The following ATP5F1A variants were observed in gnomAD, a reference collection of about 807,000 sequenced individuals.
The protein encoded by ATP5F1A is ATP synthase F(1) complex subunit alpha, mitochondrial.
A neutral mutation model predicts 57.4 loss-of-function variants in ATP5F1A; 24 were observed. That is an observed-to-expected ratio of 0.42 (90% confidence interval 0.30 to 0.59). The LOEUF is 0.59. Among genes scored for constraint, ATP5F1A ranks in the 20% least tolerant of loss-of-function variants. The probability of loss-of-function intolerance (pLI) is 0.19; values close to 1 mark genes in which losing one functional copy is unlikely to be tolerated. For missense variants in ATP5F1A, 494 were observed against 707.9 expected, an observed-to-expected ratio of 0.70 and a Z score of 3.43; for synonymous variants, 251 against 255.5, an observed-to-expected ratio of 0.98 and a Z score of 0.17.
upstream of ATP5F1A, chr18:46,098,391 T>G (rs556165596): frequency 2.8e-6 from 3 of 1,086,126 alleles, no homozygotes; most frequent in South Asian, 2.0e-5. Context: ...CCGCCGCCAC[T>G]CTGCATTTTT....
chr18:46,089,073 TAC>T (rs1157330304), intron 5 of ATP5F1A, among the ~76,000 whole-genome samples: 2 of 151,832 alleles, frequency 1.3e-5, no homozygotes, highest in Non-Finnish European at 2.9e-5. Flanking sequence ...CCATTAACCC[TAC>T]AGTCCTGCCA....
intron 1 of ATP5F1A, 154 bp downstream of exon 1, chr18:46,098,018 T>A: frequency 7.1e-7 from 1 of 1,417,942 alleles, no homozygotes; most frequent in Non-Finnish European, 9.2e-7. Context: ...AGGGCACCTG[T>A]GTCGCCTGCT....
chr18:46,101,819 G>C (rs1445278590), upstream of ATP5F1A, among the ~76,000 whole-genome samples: 1 of 150,220 alleles, frequency 6.7e-6, no homozygotes, highest in African/African-American at 2.5e-5. Context: ...TTAAACCTGG[G>C]AGATGGAGGT....
chr18:46,086,051 A>G, intron 10 of ATP5F1A, 62 bp downstream of exon 10: 2 of 1,560,642 alleles, frequency 1.3e-6, no homozygotes, highest in Non-Finnish European at 1.7e-6. Flanking sequence ...GCAGCTCTGT[A>G]GGCCTGGGAA....
At chr18:46,089,330 G>A (rs537035655) in intron 5 of ATP5F1A, 61 of 468,932 alleles carry the variant, frequency 1.3e-4, no homozygotes, top group Non-Finnish European at 1.6e-4. Context: ...TCAAACCCAC[G>A]ACCCTGGGAT....
chr18:46,101,901 A>G (rs1222673230), upstream of ATP5F1A, among the ~76,000 whole-genome samples: 2 of 150,926 alleles, frequency 1.3e-5, no homozygotes, highest in East Asian at 2.0e-4. Flanking sequence ...AAGGCCGGGC[A>G]TGGTGGCTCA....
At position 46,084,618 on chromosome 18, in the gene ATP5F1A, T is replaced by C; in HGVS notation, c.1466A>G (p.Tyr489Cys). ...ATCAAGATATCCCCTTACACCCGCA[T>C]AGATAACAGCCACTTGTTCTTCAAT... ...MAIEEQVAVI[Y>C]AGVRGYLDKL... Residue 489 changes from tyrosine to cysteine, a missense_variant, in exon 11 of 12, where the codon TAT (tyrosine) becomes TGT (cysteine). By Grantham distance (194) the Tyr-to-Cys change is radical. Coordinates refer to ENST00000398752, the MANE Select transcript of ATP5F1A (RefSeq NM_004046.6). 1 of 1,600,214 alleles carries C rather than the reference T, an allele frequency of 6.2e-7. No individual in the cohort carries two copies. The highest frequency in any genetic ancestry group is 2.2e-5 in the East Asian group (1 of 44,594).
At chr18:46,088,026 G>A (rs1279564682) in intron 6 of ATP5F1A, 83 bp downstream of exon 6, 3 of 1,458,314 alleles carry the variant, frequency 2.1e-6, no homozygotes, top group East Asian at 2.3e-5. Context: ...ATTAAAATAT[G>A]CCTTCATTAA....
rs147760997 is a variant in ATP5F1A, at chr18:46,095,286, C to A, written c.61-155G>T. On this transcript the variant is annotated intron_variant, in intron 1 of 11. Coordinates refer to ENST00000398752, the MANE Select transcript of ATP5F1A (RefSeq NM_004046.6). ...TTTAAAATGTCAAATGGGAAAGTAG[C>A]TTTTGATATATGTGAAAACCTTTTA... 40 of 664,270 alleles carry A rather than the reference C, an allele frequency of 6.0e-5. No homozygotes were observed. In the East Asian group the frequency reaches 8.6e-4, roughly 14 times the overall value. The allele number at this position is 664,270 out of a possible 1,614,324, so 41.1% of individuals were successfully genotyped here. A position where few individuals can be genotyped will look rare whatever the true frequency, so the allele number is the denominator to read the frequency against.
At chr18:46,102,860 A>T (rs1275600283), upstream of ATP5F1A, among the ~76,000 whole-genome samples, 1 of 152,106 alleles carries the variant, frequency 6.6e-6, no homozygotes, top group Non-Finnish European at 1.5e-5. Context: ...AAGCGGGAGG[A>T]TTGCTTGAGC....
chr18:46,085,772 A>G (rs1453933599), intron 10 of ATP5F1A: 1 of 207,470 alleles, frequency 4.8e-6, no homozygotes, highest in Non-Finnish European at 9.8e-6. Flanking sequence ...GTCTCTACTA[A>G]AAATACAAAA....
intron 2 of ATP5F1A, among the ~76,000 whole-genome samples, chr18:46,094,164 T>TACACACACACAC (rs71938962): frequency 3.2e-4 from 47 of 149,140 alleles, no homozygotes; most frequent in African/African-American, 1.1e-3. Context: ...TGTGTACACA[T>TACACACACACAC]ACACACACAC....
intron 8 of ATP5F1A, chr18:46,086,798 G>C (rs1024513060): frequency 3.2e-6 from 2 of 630,614 alleles, no homozygotes; most frequent in East Asian, 2.8e-5. Context: ...AATGAAACTA[G>C]AACGAAACAT....
chr18:46,081,673 C>CAAAAAAAAAAA lies in ATP5F1A; in HGVS notation c.*2598_*2608dup, dbSNP rs1159742250. On this transcript the variant is annotated 3_prime_UTR_variant, in exon 12 of 12. Transcript: ENST00000398752. The stretch of plus-strand genomic sequence containing the variant: ...GAGCAAAACTCTCAAAAAAAAAAAA[C>CAAAAAAAAAAA]AAAAAAAAAAAAAAAAAAAAAAAAC... 7 of 75,454 alleles carry CAAAAAAAAAAA rather than the reference C, an allele frequency of 9.3e-5. No homozygotes were observed. Among genetic ancestry groups the CAAAAAAAAAAA allele is most frequent in the Non-Finnish European group, 1.1e-4 (4 of 36,814 alleles). The allele number at this position is 75,454 out of a possible 1,614,324, so 4.7% of individuals were successfully genotyped here.
chr18:46,087,759 A>G, intron 6 of ATP5F1A: 2 of 451,168 alleles, frequency 4.4e-6, no homozygotes, highest in East Asian at 8.7e-5. Flanking sequence ...ATGCACCTGT[A>G]ATCCCAGCTA....
Position 46,095,118 on chromosome 18 carries a change from G to A in ATP5F1A, c.74C>T (p.Ala25Val). 6.2e-7 allele frequency: 1 copy of A among 1,613,392 alleles called. No individual in the cohort carries two copies. The highest frequency in any genetic ancestry group is 8.5e-7 in the Non-Finnish European group (1 of 1,179,842). The part of the protein sequence containing the change: ...PRRAGLVSRN[A>V]LGSSFIAARN... The stretch of plus-strand genomic sequence containing the variant: ...TGCAGCAATGAAAGATGAACCCAAA[G>A]CATTTCTGGAGACCTAGTGCAAAAG... The change falls in exon 2 of 12, where the codon GCT (alanine) becomes GTT (valine). Residue 25 changes from alanine to valine, a missense_variant. By Grantham distance (64) the Ala-to-Val change is moderately conservative. Around this residue, in one of 6 missense-constraint regions of ATP5F1A, gnomAD observed 142 missense variants for 137.5 expected, o/e 1.03. Coordinates refer to ENST00000398752, the MANE Select transcript of ATP5F1A (RefSeq NM_004046.6).
chr18:46,088,177 C>T lies in ATP5F1A; in HGVS notation c.731G>A (p.Cys244Tyr), dbSNP rs1427337724. The change falls in exon 6 of 12, where the codon TGT (cysteine) becomes TAT (tyrosine). Residue 244 changes from cysteine to tyrosine, a missense_variant. By Grantham distance (194) the Cys-to-Tyr change is radical. Transcript: ENST00000398752. ...DGSDEKKKLY[C>Y]IYVAIGQKRS... The stretch of plus-strand genomic sequence containing the variant: ...CTTTTGACCAATAGCAACATAAATA[C>T]AGTACAGCTTCTTCTTTTCATCAGA... The T allele has an allele frequency of 6.2e-7, 1 of 1,607,788 alleles. No homozygotes were observed. Among genetic ancestry groups the T allele is most frequent in the Non-Finnish European group, 8.5e-7 (1 of 1,178,844 alleles).
At position 46,089,857 on chromosome 18, in the gene ATP5F1A, A is replaced by G. The variant is rs1430762195; in HGVS notation, c.449T>C (p.Val150Ala). The G allele has an allele frequency of 1.2e-6, 2 of 1,613,244 alleles. No individual in the cohort carries two copies. Among genetic ancestry groups the G allele is most frequent in the Admixed American group, 1.7e-5 (1 of 59,832 alleles). ...AATAGCATTACCAAGGGCATCAACT[A>G]CACGACCCAACAGCTCCTCACCAAC... ...VPVGEELLGR[V>A]VDALGNAIDG... is the part of the protein sequence containing the mutation. The change falls in exon 4 of 12, where the codon GTA becomes GCA. Residue 150 changes from valine to alanine, a missense_variant. Physicochemically the swap from Val to Ala is moderately conservative, Grantham distance 64. Coordinates refer to ENST00000398752, the MANE Select transcript of ATP5F1A (RefSeq NM_004046.6).
rs905805285 is a variant in ATP5F1A, at chr18:46,085,794, G to T, written c.1429+319C>A. The T allele has an allele frequency of 1.7e-5, 4 of 241,010 alleles. No individual in the cohort carries two copies. In the Admixed American group the frequency reaches 2.1e-4, roughly 12 times the overall value. 14.9% of individuals were successfully genotyped at this position (241,010 alleles called of 1,614,324 possible). ...CTAAAAATACAAAAATTAGTCGGGC[G>T]TGGTGGCTCACACCTGTAATCCGAG... On this transcript the variant is annotated intron_variant, in intron 10 of 11. Transcript: ENST00000398752.
Sources: allele counts gnomAD v4.1 joint callset (sites outside exome capture counted in the v4.1 genomes callset), GRCh38; gene constraint gnomAD v4.1.1; regional missense constraint gnomAD v4.1.1; transcripts MANE v1.5; gene names NCBI Gene and HGNC (gene_info 2026-07-23, HGNC 2026-07-21).